Variants in INCENP observed in about 807,000 individuals in gnomAD.
INCENP encodes the protein inner centromere protein, also known as binds and activates aurora-B and -C in vivo and in vitro.
INCENP carries 43 observed loss-of-function variants against 107.3 expected under a neutral mutation model. The observed-to-expected ratio is 0.40, with a 90% CI of 0.31 to 0.52. The LOEUF (loss-of-function observed/expected upper bound fraction) is 0.52, where lower values mean the gene tolerates loss of function less well. INCENP is among the 20% of genes least tolerant of loss of function. The pLI, the probability that INCENP is intolerant of heterozygous loss-of-function variation, is 0.53. For missense variants in INCENP, 1,089 were observed against 1,250.9 expected, an observed-to-expected ratio of 0.87 and a Z score of 1.95; for synonymous variants, 488 against 494.4, an observed-to-expected ratio of 0.99 and a Z score of 0.17.
In INCENP at chr11:62,152,617, G is replaced by C. The variant is rs1189416944; in HGVS notation, c.*641G>C. 6.5e-6 allele frequency: 1 copy of C among 152,884 alleles called. No individual in the cohort carries two copies. Among genetic ancestry groups the C allele is most frequent in the East Asian group, 1.9e-4 (1 of 5,198 alleles). The allele number at this position is 152,884 out of a possible 1,614,324, so 9.5% of individuals were successfully genotyped here. A position where few individuals can be genotyped will look rare whatever the true frequency, so the allele number is the denominator to read the frequency against. On this transcript the variant is annotated 3_prime_UTR_variant, in exon 19 of 19. Transcript: ENST00000394818. The stretch of plus-strand genomic sequence containing the variant: ...AAAGGGGAGTTTGTTCATTGGGAAA[G>C]ACCTGGGTCTTGACACGGCCCTGCC...
chr11:62,124,952 T>C (rs1402790528), intron 1 of INCENP, among the ~76,000 whole-genome samples: 1 of 152,252 alleles, frequency 6.6e-6, no homozygotes, highest in Non-Finnish European at 1.5e-5. Flanking sequence ...ATGCGCTTTC[T>C]GCACAGAGGT....
intron 4 of INCENP, among the ~76,000 whole-genome samples, chr11:62,134,692 T>C (rs188597742): frequency 6.6e-6 from 1 of 152,374 alleles, no homozygotes; most frequent in East Asian, 1.9e-4. Flanking sequence ...CTCTTTATTG[T>C]ATGACTTTAA....
intron 7 of INCENP, 28 bp from the exon 8 acceptor site, chr11:62,140,205 CA>C (rs778164005): frequency 6.2e-6 from 10 of 1,610,692 alleles, no homozygotes; most frequent in Non-Finnish European, 8.5e-6. Context: ...ATCGTTTCTG[CA>C]GCCTTGCTGA....
Position 62,129,830 on chromosome 11 carries a change from C to G in INCENP, c.303C>G (p.Leu101=), listed in dbSNP as rs988825357. 3 of 1,611,892 alleles carry G rather than the reference C, an allele frequency of 1.9e-6. No homozygotes were observed. The highest frequency in any genetic ancestry group is 2.7e-5 in the African/African-American group (2 of 74,922). The change falls in exon 4 of 19, where the codon CTC becomes CTG. Residue 101 remains leucine, a synonymous_variant. Transcript: ENST00000394818. Reference sequence around the variant, plus strand: ...GCAGCCAGCTGAGCTCCCGACGCCTCCGCAGCAAGGACAGTGTAGAGAAGC... The same window carrying G: ...GCAGCCAGCTGAGCTCCCGACGCCTGCGCAGCAAGGACAGTGTAGAGAAGC... ...SRSSQLSSRR[L]RSKDSVEKLA...
chr11:62,136,420 G>A (rs1045848978), intron 4 of INCENP, among the ~76,000 whole-genome samples: 2 of 152,204 alleles, frequency 1.3e-5, no homozygotes, highest in East Asian at 1.9e-4. Context: ...AGTGGCTCAC[G>A]CCTGTAATCC....
chr11:62,152,250 ATTTAGCTGAATGTTAGCAT>A lies in INCENP; in HGVS notation c.*280_*298del. 1 of 487,286 alleles carries A rather than the reference ATTTAGCTGAATGTTAGCAT, an allele frequency of 2.1e-6. No homozygotes were observed. Among genetic ancestry groups the A allele is most frequent in the South Asian group, 3.0e-5 (1 of 33,110 alleles). The allele number at this position is 487,286 out of a possible 1,614,324, so 30.2% of individuals were successfully genotyped here. A position where few individuals can be genotyped will look rare whatever the true frequency, so the allele number is the denominator to read the frequency against. ...CAGTGCTCTGTAAATAGTTGTTTTAATTTAGCTGAATGTTAGCATTTTAGTCTTTGGCATTTTAGCGTTT... is the reference window on the plus strand; with the variant it reads ...CAGTGCTCTGTAAATAGTTGTTTTAATTTAGTCTTTGGCATTTTAGCGTTT... On this transcript the variant is annotated 3_prime_UTR_variant, in exon 19 of 19. Transcript: ENST00000394818.
rs1221716549 is a variant in INCENP at position 62,140,304 on chromosome 11, G to T, written c.1343+19G>T. On this transcript the variant is annotated intron_variant, in intron 8 of 18. Transcript: ENST00000394818. ...GTGCCAGGTTTGCATCCGGGAAGGG[G>T]TGTGTAGGTAACTCTGAGGGCCCTG... The T allele has an allele frequency of 1.2e-6, 2 of 1,609,888 alleles. No homozygotes were observed. Among genetic ancestry groups the T allele is most frequent in the Non-Finnish European group, 1.7e-6 (2 of 1,176,540 alleles).
intron 5 of INCENP, 75 bp from the exon 6 acceptor site, chr11:62,138,638 A>G (rs573000428): frequency 2.1e-6 from 3 of 1,430,906 alleles, no homozygotes; most frequent in African/African-American, 2.8e-5. Context: ...CATCCCTGGA[A>G]TGGTAGAGGG....
intron 11 of INCENP, among the ~76,000 whole-genome samples, chr11:62,143,282 A>G (rs1008480494): frequency 1.3e-5 from 2 of 152,100 alleles, no homozygotes; most frequent in Non-Finnish European, 2.9e-5. Context: ...AAAGAAGAAA[A>G]GAGAACAAAC....
At position 62,128,232 on chromosome 11, in the gene INCENP, G is replaced by C. The variant is rs765839786; in HGVS notation, c.71G>C (p.Cys24Ser). The part of the protein sequence containing the change: ...LCDQKLMEFL[C>S]NMDNKDLVWL... ...GACCAGAAGCTCATGGAGTTTCTCT[G>C]CAACATGGATAATAAGGACTTGGTG... is the stretch of plus-strand genomic sequence containing the variant. The change falls in exon 2 of 19, where the codon TGC becomes TCC. Residue 24 changes from cysteine (C) to serine (S), a missense_variant. By Grantham distance (112) the Cys-to-Ser change is moderately radical. Coordinates refer to ENST00000394818, the MANE Select transcript of INCENP (RefSeq NM_001040694.2). 6.8e-6 allele frequency: 11 copies of C among 1,614,042 alleles called. No individual in the cohort carries two copies. The highest frequency in any genetic ancestry group is 1.7e-5 in the Admixed American group (1 of 60,008).
intron 1 of INCENP, among the ~76,000 whole-genome samples, chr11:62,124,901 C>T (rs1943717555): frequency 6.6e-6 from 1 of 152,226 alleles, no homozygotes; most frequent in African/African-American, 2.4e-5. Flanking sequence ...TGATGTCTGA[C>T]TCGGGCATGG....
rs369742634 is a variant in INCENP at position 62,129,802 on chromosome 11, G to A, written c.275G>A (p.Arg92Gln). The A allele has an allele frequency of 3.4e-5, 54 of 1,607,194 alleles. No homozygotes were observed. Among genetic ancestry groups the A allele is most frequent in the African/African-American group, 1.5e-4 (11 of 74,850 alleles). Residue 92 changes from arginine (R) to glutamine (Q), a missense_variant, in exon 4 of 19, where the codon CGG becomes CAG. Transcript: ENST00000394818. Reference protein sequence around the residue: ...IRRRLSRRKSRSSQLSSRRLR... With the variant: ...IRRRLSRRKSQSSQLSSRRLR... ...GCCAGGTTATCCCGCAGAAAGTCTC[G>A]GAGCAGCCAGCTGAGCTCCCGACGC...
chr11:62,128,453 G>GT, intron 2 of INCENP, 152 bp downstream of exon 2: 1 of 823,912 alleles, frequency 1.2e-6, no homozygotes, highest in South Asian at 1.7e-5. Flanking sequence ...CAGTGTGCTG[G>GT]GGGCCTGACC....
Position 62,147,597 on chromosome 11 carries a change from G to A in INCENP, c.2204+695G>A, listed in dbSNP as rs999039885. Among the ~76,000 whole-genome samples the A allele has an allele frequency of 5.3e-5, 8 of 152,350 alleles. No individual in the cohort carries two copies. In the South Asian group the frequency reaches 8.3e-4, roughly 16 times the overall value. On this transcript the variant is annotated intron_variant, in intron 15 of 18. Coordinates refer to ENST00000394818, the MANE Select transcript of INCENP (RefSeq NM_001040694.2). Reference sequence around the variant, plus strand: ...GAAGTAGAGCACAAGGCCCGTGTGTGTGAGACATGCAGGCCCCGTAGCTGT... The same window carrying A: ...GAAGTAGAGCACAAGGCCCGTGTGTATGAGACATGCAGGCCCCGTAGCTGT...
At position 62,146,484 on chromosome 11, in the gene INCENP, C is replaced by T. The variant is rs74494540; in HGVS notation, c.1960-174C>T. 0.04 allele frequency among the ~76,000 whole-genome samples: 6,071 copies of T among 152,334 alleles called. 377 individuals carry two copies. The highest frequency in any genetic ancestry group is 0.14 in the African/African-American group (5,640 of 41,554). ...AGCTGTCACAAGATGCCTTTTCAGG[C>T]TGCTGCTGGTGGTTCTGGCAGAGCC... On this transcript the variant is annotated intron_variant, in intron 14 of 18. Coordinates refer to ENST00000394818, the MANE Select transcript of INCENP (RefSeq NM_001040694.2).
At position 62,130,244 on chromosome 11, in the gene INCENP, A is replaced by G. The variant is rs763732575; in HGVS notation, c.717A>G (p.Thr239=). ...ESITVSSLMA[T]PQDPKGQGVG... ...TCACAGTGAGCTCCCTGATGGCTACACCCCAGGACCCCAAGGGTCAAGGGG... is the reference window on the plus strand; with the variant it reads ...TCACAGTGAGCTCCCTGATGGCTACGCCCCAGGACCCCAAGGGTCAAGGGG... The change falls in exon 4 of 19, where the codon ACA becomes ACG. Residue 239 remains threonine (T), a synonymous_variant. Coordinates refer to ENST00000394818, the MANE Select transcript of INCENP (RefSeq NM_001040694.2). 28 of 1,613,388 alleles carry G rather than the reference A, an allele frequency of 1.7e-5. No individual in the cohort carries two copies. The highest frequency in any genetic ancestry group is 2.4e-5 in the Non-Finnish European group (28 of 1,180,000).
At chr11:62,129,257 T>C (rs1394981693) in intron 3 of INCENP, among the ~76,000 whole-genome samples, 2 of 152,206 alleles carry the variant, frequency 1.3e-5, no homozygotes, top group African/African-American at 4.8e-5. Context: ...CATGCTTGTT[T>C]TAGTCCCCCT....
chr11:62,129,536 A>G (rs1258063853), intron 3 of INCENP, among the ~76,000 whole-genome samples: 1 of 152,190 alleles, frequency 6.6e-6, no homozygotes, highest in Non-Finnish European at 1.5e-5. Context: ...TTGGATGAAT[A>G]TAATCTTCCT....
At chr11:62,135,093 G>A (rs1252374956) in intron 4 of INCENP, among the ~76,000 whole-genome samples, 2 of 152,034 alleles carry the variant, frequency 1.3e-5, no homozygotes, top group African/African-American at 4.8e-5. Context: ...TCACATAGAC[G>A]TGTAGTTGGG....
Sources: allele counts gnomAD v4.1 joint callset (sites outside exome capture counted in the v4.1 genomes callset), GRCh38; gene constraint gnomAD v4.1.1; transcripts MANE v1.5; gene names NCBI Gene and HGNC (gene_info 2026-07-23, HGNC 2026-07-21).